The following CHRND variants were observed in gnomAD, a reference collection of about 807,000 sequenced individuals.
CHRND encodes the protein acetylcholine receptor subunit delta.
A neutral mutation model predicts 57.8 loss-of-function variants in CHRND; 40 were observed. The ratio of observed to expected loss-of-function variants is 0.69; its 90% CI spans 0.54 to 0.90. The LOEUF (loss-of-function observed/expected upper bound fraction) is 0.90, where lower values mean the gene tolerates loss of function less well. Among genes scored for constraint, CHRND ranks in the 40% least tolerant of loss-of-function variants. The probability of loss-of-function intolerance (pLI) is 0.00; values close to 1 mark genes in which losing one functional copy is unlikely to be tolerated. For synonymous variants in CHRND, 237 were observed against 270.6 expected (o/e 0.88, Z 1.22); for missense variants, 634 against 673.9 (o/e 0.94, Z 0.66).
chr2:232,530,762 C>G (rs981266696), intron 7 of CHRND, among the ~76,000 whole-genome samples: 1 of 152,124 alleles, frequency 6.6e-6, no homozygotes, highest in African/African-American at 2.4e-5. Context: ...GGGGCTACCA[C>G]AGGCAGGAGG....
intron 7 of CHRND, among the ~76,000 whole-genome samples, chr2:232,530,442 T>A (rs375220274): frequency 5.9e-5 from 9 of 152,308 alleles, no homozygotes; most frequent in South Asian, 2.1e-4. Context: ...CGGTCACCAG[T>A]GTGTGACCGT....
chr2:232,535,879 G>A lies in CHRND; in HGVS notation c.*567G>A. ...CTTTGGGAAGTTGAGGACTGGAGTGGAAAGGTCAGGATCGACATCCACAAA... is the reference window on the plus strand; with the variant it reads ...CTTTGGGAAGTTGAGGACTGGAGTGAAAAGGTCAGGATCGACATCCACAAA... On this transcript the variant is annotated 3_prime_UTR_variant, in exon 12 of 12. Transcript: ENST00000258385. 2.2e-6 allele frequency: 1 copy of A among 454,080 alleles called. No individual in the cohort carries two copies. Among genetic ancestry groups the A allele is most frequent in the Non-Finnish European group, 4.4e-6 (1 of 226,792 alleles). The allele number at this position is 454,080 out of a possible 1,614,324, so 28.1% of individuals were successfully genotyped here. A position where few individuals can be genotyped will look rare whatever the true frequency, so the allele number is the denominator to read the frequency against.
At position 232,531,338 on chromosome 2, in the gene CHRND, T is replaced by C; in HGVS notation, c.821-14T>C. ...CCGGTGCCCCAAGGTCACAGCTAAG[T>C]CTGGCTTCCCCAGGTGGTGAGAAGA... On this transcript the variant is annotated splice_polypyrimidine_tract_variant and intron_variant, in intron 7 of 11. Transcript: ENST00000258385. The C allele has an allele frequency of 6.2e-7, 1 of 1,600,926 alleles. No homozygotes were observed. The highest frequency in any genetic ancestry group is 8.6e-7 in the Non-Finnish European group (1 of 1,169,222).
Position 232,528,899 on chromosome 2 carries a change from C to T in CHRND, c.547C>T (p.Leu183=), listed in dbSNP as rs1574631016. Residue 183 remains leucine, a synonymous_variant, in exon 6 of 12, where the codon CTG becomes TTG. Transcript: ENST00000258385. The part of the protein sequence containing the change: ...KYTAKEITLS[L]KQDAKENRTY... ...TACGGCCAAAGAGATCACCCTGAGC[C>T]TGAAACAGGATGCCAAGGAGAACCG... is the stretch of plus-strand genomic sequence containing the variant. 6.2e-7 allele frequency: 1 copy of T among 1,614,008 alleles called. No homozygotes were observed. Among genetic ancestry groups the T allele is most frequent in the African/African-American group, 1.3e-5 (1 of 74,900 alleles).
intron 9 of CHRND, among the ~76,000 whole-genome samples, chr2:232,532,569 C>A (rs1243203876): frequency 5.9e-5 from 9 of 152,252 alleles, no homozygotes; most frequent in Non-Finnish European, 1.5e-5. Context: ...CACGGGAGTG[C>A]CGCTCAGCCG....
intron 3 of CHRND, among the ~76,000 whole-genome samples, chr2:232,527,956 CAT>C (rs968329856): frequency 1.3e-5 from 2 of 152,346 alleles, no homozygotes; most frequent in African/African-American, 4.8e-5. Flanking sequence ...TTAGGATTCA[CAT>C]GTTGGAAAAT....
rs111310313 is a variant in CHRND, at chr2:232,527,510, C to T, written c.243+65C>T. ...CTGTAATCCCAGCACTTTGGAAGGC[C>T]GAGGGGGGTGGATCACGAGGTCAGG... On this transcript the variant is annotated intron_variant, in intron 3 of 11. Coordinates refer to ENST00000258385, the MANE Select transcript of CHRND (RefSeq NM_000751.3). 2.1e-3 allele frequency: 2,620 copies of T among 1,225,794 alleles called. 41 individuals carry two copies. In the African/African-American group the frequency reaches 0.035, roughly 16 times the overall value. The allele number at this position is 1,225,794 out of a possible 1,614,324, so 75.9% of individuals were successfully genotyped here.
chr2:232,528,166 T>A, intron 3 of CHRND, 96 bp from the exon 4 acceptor site: 1 of 1,168,018 alleles, frequency 8.6e-7, no homozygotes, highest in Admixed American at 1.9e-5. Context: ...TTGTCACAGC[T>A]CTCAGACCCT....
chr2:232,530,008 G>T lies in CHRND; in HGVS notation c.689G>T (p.Ser230Ile). 1.2e-6 allele frequency: 2 copies of T among 1,614,162 alleles called. No individual in the cohort carries two copies. The highest frequency in any genetic ancestry group is 1.3e-5 in the African/African-American group (1 of 75,054). ...GTGGACCCCAGAGCCCCTCTGGACA[G>T]CCCCAGCCGCCAGGACATCACCTTC... Reference protein sequence around the residue: ...VNVDPRAPLDSPSRQDITFYL... With the variant: ...VNVDPRAPLDIPSRQDITFYL... The change falls in exon 7 of 12, where the codon AGC (serine) becomes ATC (isoleucine). Residue 230 changes from serine (S) to isoleucine (I), a missense_variant. Ser to Ile is a moderately radical substitution (Grantham distance 142). Transcript: ENST00000258385.
intron 7 of CHRND, 27 bp from the exon 8 acceptor site, chr2:232,531,325 G>A (rs201702120): frequency 1.3e-6 from 2 of 1,528,970 alleles, no homozygotes; most frequent in Admixed American, 1.7e-5. Context: ...GGTGCCCCAA[G>A]GTCACAGCTA....
intron 6 of CHRND, among the ~76,000 whole-genome samples, chr2:232,529,625 A>G (rs963392272): frequency 6.6e-6 from 1 of 152,230 alleles, no homozygotes; most frequent in African/African-American, 2.4e-5. Flanking sequence ...TTGGTGTCTT[A>G]ATCTGCAATA....
intron 2 of CHRND, 91 bp from the exon 3 acceptor site, chr2:232,527,310 A>AAAAAGAGAGAG: frequency 1.1e-6 from 1 of 913,014 alleles, no homozygotes; most frequent in Non-Finnish European, 1.8e-6. Flanking sequence ...TGGAAAAAAA[A>AAAAAGAGAGAG]AGAGAGAGAG....
chr2:232,534,412 G>GGGGAACCCTGCCCTCTTA, intron 11 of CHRND, 70 bp downstream of exon 11: 1 of 1,484,286 alleles, frequency 6.7e-7, no homozygotes, highest in Non-Finnish European at 9.4e-7. Context: ...TCTATCTTAA[G>GGGGAACCCTGCCCTCTTA]AGGGCAGGGT....
chr2:232,534,830 T>G (rs1691827626), intron 11 of CHRND, among the ~76,000 whole-genome samples: 1 of 152,274 alleles, frequency 6.6e-6, no homozygotes, highest in South Asian at 2.1e-4. Flanking sequence ...CTATCCACCT[T>G]CCTCAGCCCC....
chr2:232,528,335 A>C lies in CHRND; in HGVS notation c.317A>C (p.Asp106Ala), dbSNP rs1235951327. 1.9e-6 allele frequency: 3 copies of C among 1,613,952 alleles called. No individual in the cohort carries two copies. Among genetic ancestry groups the C allele is most frequent in the African/African-American group, 2.7e-5 (2 of 74,860 alleles). The change falls in exon 4 of 12, where the codon GAC becomes GCC. Residue 106 changes from aspartate (D) to alanine (A), a missense_variant. Physicochemically the swap from Asp to Ala is moderately radical, Grantham distance 126 (BLOSUM62 -2). Transcript: ENST00000258385. ...GNISVLRLPP[D>A]MVWLPEIVLE... ...ATCAGTGTCCTGCGCCTCCCCCCGG[A>C]CATGGTGTGGCTCCCAGAGATTGTG...
chr2:232,535,749 C>T lies in CHRND; in HGVS notation c.*437C>T, dbSNP rs1691867941. 1 of 456,536 alleles carries T rather than the reference C, an allele frequency of 2.2e-6. No individual in the cohort carries two copies. The highest frequency in any genetic ancestry group is 2.0e-5 in the African/African-American group (1 of 50,122). 28.3% of individuals were successfully genotyped at this position (456,536 alleles called of 1,614,324 possible). On this transcript the variant is annotated 3_prime_UTR_variant, in exon 12 of 12. Transcript: ENST00000258385. ...TTCCTACCTACCCTTCAACCTCAGG[C>T]TTCTGAGGCCTCACCTGGGACTGAG...
rs1445121463 is a variant in CHRND at position 232,534,153 on chromosome 2, T to C, written c.1252+18T>C. ...CACTGCACGTGGGTCCCCGCTGGTC[T>C]TGGTTTTCAGCCCATCTGTGGGAGG... On this transcript the variant is annotated intron_variant, in intron 10 of 11. Transcript: ENST00000258385. The C allele has an allele frequency of 6.2e-7, 1 of 1,614,104 alleles. No homozygotes were observed. The highest frequency in any genetic ancestry group is 1.1e-5 in the South Asian group (1 of 91,086).
intron 2 of CHRND, 133 bp from the exon 3 acceptor site, chr2:232,527,268 T>C: frequency 1.2e-6 from 1 of 850,400 alleles, no homozygotes; most frequent in South Asian, 1.3e-5. Context: ...CTCGTGCCAC[T>C]GCACTCCATC....
chr2:232,531,247 G>A (rs918041969), intron 7 of CHRND, 105 bp from the exon 8 acceptor site: 14 of 802,228 alleles, frequency 1.7e-5, no homozygotes, highest in Middle Eastern at 5.9e-4. Flanking sequence ...TACTACAGAG[G>A]TGCCAGGGGC....
Sources: gnomAD v4.1 joint callset for allele counts (sites outside exome capture counted in the v4.1 genomes callset) on GRCh38, gnomAD v4.1.1 for gene constraint, MANE v1.5 for transcripts, NCBI Gene and HGNC (gene_info 2026-07-23, HGNC 2026-07-21) for gene names.